VPS8: variants seen among roughly 807,000 people sequenced by gnomAD.
VPS8 encodes the protein VPS8 subunit of CORVET complex, also known as vacuolar protein sorting-associated protein 8 homolog.
VPS8 carries 129 observed loss-of-function variants against 216.4 expected under a neutral mutation model. The observed-to-expected ratio is 0.60, with a 90% confidence interval of 0.52 to 0.69. VPS8 has a LOEUF of 0.69. Among genes scored for constraint, VPS8 ranks in the 30% least tolerant of loss-of-function variants. The pLI is 0.00. For missense variants in VPS8, 1,531 were observed against 1,683.5 expected (o/e 0.91, Z 1.59); for synonymous variants, 571 against 565.4 (o/e 1.01, Z -0.14).
rs149601412 is a variant in VPS8, at chr3:184,937,451, T to C, written c.2988+1116T>C. On this transcript the variant is annotated intron_variant, in intron 35 of 47. Transcript: ENST00000625842. ...TCGAACACTTAGTGCTGCTCTACTC[T>C]CTACCAGTGTGCTAGGCCCTAGGGA... 1.2e-4 allele frequency among the ~76,000 whole-genome samples: 19 copies of C among 152,364 alleles called. No individual in the cohort carries two copies. The South Asian group carries it at 3.9e-3, about 32-fold the overall frequency.
rs200853280 is a variant in VPS8 at position 185,024,348 on chromosome 3, C to G, written c.4015C>G (p.Pro1339Ala). Reference sequence around the variant, plus strand: ...CTTTTTTTTCCAGGTAAAAATGTCTCCATCGTATCATCAGTCCAAAGGGGA... The same window carrying G: ...CTTTTTTTTCCAGGTAAAAATGTCTGCATCGTATCATCAGTCCAAAGGGGA... Reference protein sequence around the residue: ...RITPSQVKMSPSYHQSKGDPT... With the variant: ...RITPSQVKMSASYHQSKGDPT... Residue 1339 changes from proline to alanine, a missense_variant, in exon 46 of 48, where the codon CCA becomes GCA. Coordinates refer to ENST00000625842, the MANE Select transcript of VPS8 (RefSeq NM_001009921.3). The G allele has an allele frequency of 1.2e-4, 192 of 1,595,070 alleles. No homozygotes were observed. The African/African-American group carries it at 2.2e-3, about 18-fold the overall frequency.
At chr3:184,937,261 C>T (rs1170492495) in intron 35 of VPS8, among the ~76,000 whole-genome samples, 1 of 152,042 alleles carries the variant, frequency 6.6e-6, no homozygotes, top group Non-Finnish European at 1.5e-5. Flanking sequence ...TCATTGTAGC[C>T]ACAAGTGATA....
At chr3:184,850,603 G>A (rs1338507977) in intron 10 of VPS8, among the ~76,000 whole-genome samples, 1 of 152,150 alleles carries the variant, frequency 6.6e-6, no homozygotes, top group African/African-American at 2.4e-5. Flanking sequence ...AAAATAAACT[G>A]ACTTAGGTAA....
At position 184,930,512 on chromosome 3, in the gene VPS8, G is replaced by A. The variant is rs766714213; in HGVS notation, c.2842G>A (p.Gly948Arg). ...CATTCACAATATCTTATCCATTCCC[G>A]GACACAGTGCAGAGGAGAAGCAGTC... ...NYIHNILSIPGHSAEEKQSVW... is the reference protein window; with the variant it reads ...NYIHNILSIPRHSAEEKQSVW... The change falls in exon 34 of 48, where the codon GGA (glycine) becomes AGA (arginine). Residue 948 changes from glycine to arginine, a missense_variant. By Grantham distance (125) the Gly-to-Arg change is moderately radical. Coordinates refer to ENST00000625842, the MANE Select transcript of VPS8 (RefSeq NM_001009921.3). 9.3e-6 allele frequency: 15 copies of A among 1,613,166 alleles called. No homozygotes were observed. The highest frequency in any genetic ancestry group is 1.3e-5 in the African/African-American group (1 of 74,858).
At chr3:184,967,375 GAGCTTCTAATT>G (rs1480238471) in intron 39 of VPS8, among the ~76,000 whole-genome samples, 2 of 152,140 alleles carry the variant, frequency 1.3e-5, no homozygotes, top group African/African-American at 4.8e-5. Context: ...CAGCAAATCA[GAGCTTCTAATT>G]AGTAGGACAT....
At chr3:184,837,802 T>A (rs1369858264) in intron 5 of VPS8, among the ~76,000 whole-genome samples, 1 of 152,238 alleles carries the variant, frequency 6.6e-6, no homozygotes, top group African/African-American at 2.4e-5. Context: ...TTGGAAGCTC[T>A]GAGTTTGAGA....
intron 1 of VPS8, among the ~76,000 whole-genome samples, chr3:184,814,407 A>G (rs1321730984): frequency 6.6e-6 from 1 of 152,252 alleles, no homozygotes; most frequent in African/African-American, 2.4e-5. Flanking sequence ...ATGTGTGGTT[A>G]GGCAAATTTT....
chr3:184,880,947 A>G (rs1730162844), intron 21 of VPS8, among the ~76,000 whole-genome samples: 1 of 152,122 alleles, frequency 6.6e-6, no homozygotes, highest in South Asian at 2.1e-4. Context: ...TTTATTTGCC[A>G]CATGTATATC....
intron 40 of VPS8, among the ~76,000 whole-genome samples, chr3:184,974,332 G>T (rs1191759811): frequency 6.6e-6 from 1 of 152,026 alleles, no homozygotes; most frequent in East Asian, 1.9e-4. Flanking sequence ...GAGCCTGTTG[G>T]CCATTTGTAT....
intron 21 of VPS8, among the ~76,000 whole-genome samples, chr3:184,872,370 G>A (rs1190208178): frequency 6.6e-6 from 1 of 152,034 alleles, no homozygotes; most frequent in Non-Finnish European, 1.5e-5. Flanking sequence ...GAACAAAGGT[G>A]ACGTTCTGAT....
chr3:184,983,553 G>A (rs1750560531), intron 42 of VPS8, among the ~76,000 whole-genome samples: 1 of 151,980 alleles, frequency 6.6e-6, no homozygotes, highest in African/African-American at 2.4e-5. Flanking sequence ...AATTCTAGCT[G>A]GCTTTGTGTC....
intron 45 of VPS8, among the ~76,000 whole-genome samples, chr3:185,010,196 C>T (rs745566088): frequency 4.6e-5 from 7 of 152,132 alleles, no homozygotes; most frequent in Admixed American, 6.6e-5. Flanking sequence ...TTTGATCTCA[C>T]CTAACAAAGC....
chr3:184,819,314 AAGAG>A (rs1336959213), intron 1 of VPS8, among the ~76,000 whole-genome samples: 3 of 151,404 alleles, frequency 2.0e-5, no homozygotes, highest in East Asian at 3.8e-4. Context: ...ATTTCATTCT[AAGAG>A]AGACTAAGAA....
intron 46 of VPS8, among the ~76,000 whole-genome samples, chr3:185,033,311 C>T (rs909815398): frequency 5.3e-5 from 8 of 152,290 alleles, no homozygotes; most frequent in South Asian, 2.1e-4. Flanking sequence ...CCCAAACTTT[C>T]GGTAACTACT....
chr3:184,885,512 C>A (rs6806114), intron 21 of VPS8, among the ~76,000 whole-genome samples: 68,394 of 151,996 alleles, frequency 0.45, 16,554 homozygotes, highest in East Asian at 0.67. Context: ...ATCAACGTTA[C>A]AATAGCAGGT....
intron 19 of VPS8, 132 bp downstream of exon 19, chr3:184,869,168 A>G (rs540411559): frequency 2.4e-6 from 2 of 834,584 alleles, no homozygotes; most frequent in East Asian, 2.7e-5. Context: ...ATTAAACCTT[A>G]TAGACTTTCA....
intron 25 of VPS8, chr3:184,901,285 C>A: frequency 3.9e-6 from 1 of 257,532 alleles, no homozygotes; most frequent in Non-Finnish European, 7.3e-6. Context: ...TTTCACTTTA[C>A]GTGGATGAAG....
chr3:184,952,197 A>T (rs577064907), intron 36 of VPS8, among the ~76,000 whole-genome samples: 1 of 152,358 alleles, frequency 6.6e-6, no homozygotes, highest in African/African-American at 2.4e-5. Flanking sequence ...AACATTGGTT[A>T]ACATTCCCAT....
chr3:184,836,293 A>T (rs1381061870), intron 5 of VPS8: 6 of 456,724 alleles, frequency 1.3e-5, no homozygotes, highest in South Asian at 9.3e-5. Context: ...CCTGTTGAGG[A>T]TTACATTTCC....
Sources: allele counts gnomAD v4.1 joint callset (sites outside exome capture counted in the v4.1 genomes callset), GRCh38; gene constraint gnomAD v4.1.1; transcripts MANE v1.5; gene names NCBI Gene and HGNC (gene_info 2026-07-23, HGNC 2026-07-21).